DRC10: variants seen among roughly 807,000 people sequenced by gnomAD.
The protein encoded by DRC10 is IQ domain-containing protein D.
At chr12:113,211,375 G>T in the DRC10 span, among the ~76,000 whole-genome samples, 965 of 152,230 alleles carry the variant, frequency 6.3e-3, 10 homozygotes, top group African/African-American at 0.022. Context: ...AGAATGGCAG[G>T]GAATCAAAGA....
the DRC10 span, among the ~76,000 whole-genome samples, chr12:113,216,311 C>A: frequency 1.3e-5 from 2 of 152,172 alleles, no homozygotes; most frequent in Admixed American, 6.5e-5. Context: ...AACTATATGA[C>A]ATTCTGGCAA....
chr12:113,204,873 A>C, the DRC10 span, among the ~76,000 whole-genome samples: 2 of 152,210 alleles, frequency 1.3e-5, no homozygotes, highest in East Asian at 1.9e-4. Flanking sequence ...AGGCTGCAGT[A>C]AGCTGAGATC....
the DRC10 span, chr12:113,195,683 A>C: frequency 3.1e-6 from 5 of 1,613,404 alleles, no homozygotes; most frequent in African/African-American, 6.7e-5. Flanking sequence ...AGCGCACCAG[A>C]TAGCCCTTCC....
At chr12:113,218,296 G>T in the DRC10 span, among the ~76,000 whole-genome samples, 9 of 149,688 alleles carry the variant, frequency 6.0e-5, no homozygotes, top group Non-Finnish European at 8.8e-5. Flanking sequence ...GCCACCACGC[G>T]CAGCTAATTT....
the DRC10 span, among the ~76,000 whole-genome samples, chr12:113,197,190 CT>C: frequency 0.15 from 18,036 of 119,928 alleles, 1,229 homozygotes; most frequent in African/African-American, 0.22. Flanking sequence ...TAGCCAGTCG[CT>C]TTTTTTTTTT....
chr12:113,212,931 A>G, the DRC10 span, among the ~76,000 whole-genome samples: 3 of 152,050 alleles, frequency 2.0e-5, no homozygotes, highest in South Asian at 6.2e-4. Context: ...TATTCCCTTT[A>G]TTTGTCATTA....
the DRC10 span, among the ~76,000 whole-genome samples, chr12:113,216,048 A>C: frequency 6.6e-6 from 1 of 152,234 alleles, no homozygotes; most frequent in Non-Finnish European, 1.5e-5. Flanking sequence ...TGTGCACACA[A>C]AAACCTGCAC....
At chr12:113,205,781 C>G in the DRC10 span, among the ~76,000 whole-genome samples, 1 of 148,588 alleles carries the variant, frequency 6.7e-6, no homozygotes, top group African/African-American at 2.5e-5. Context: ...CCCAGCTACT[C>G]GGGAGGCTGA....
the DRC10 span, among the ~76,000 whole-genome samples, chr12:113,219,840 G>A: frequency 2.6e-5 from 4 of 151,446 alleles, no homozygotes; most frequent in Admixed American, 1.3e-4. Context: ...CTGGAGTCTC[G>A]CTCTATCACC....
chr12:113,200,572 C>A, the DRC10 span: 3 of 1,531,580 alleles, frequency 2.0e-6, no homozygotes, highest in Non-Finnish European at 1.7e-6. Flanking sequence ...CGCTGCTTCC[C>A]GGGGCACCTT....
At chr12:113,213,176 TAAAA>T in the DRC10 span, among the ~76,000 whole-genome samples, 11 of 63,604 alleles carry the variant, frequency 1.7e-4, no homozygotes, top group African/African-American at 5.8e-4. Context: ...CAGAGGGTGC[TAAAA>T]AAAAAAAAAA....
chr12:113,199,054 C>A, the DRC10 span, among the ~76,000 whole-genome samples: 33 of 152,274 alleles, frequency 2.2e-4, no homozygotes, highest in Non-Finnish European at 3.7e-4. Flanking sequence ...TCTCATGCCT[C>A]AGCCTCCCAA....
the DRC10 span, among the ~76,000 whole-genome samples, chr12:113,204,227 C>T: frequency 6.6e-6 from 1 of 152,230 alleles, no homozygotes; most frequent in African/African-American, 2.4e-5. Flanking sequence ...AGAGCAAGAT[C>T]TTGTCTCTAA....
At chr12:113,205,695 C>G in the DRC10 span, among the ~76,000 whole-genome samples, 1 of 150,440 alleles carries the variant, frequency 6.6e-6, no homozygotes, top group East Asian at 2.0e-4. Flanking sequence ...CGAGACCATC[C>G]TGGCTAACAA....
the DRC10 span, among the ~76,000 whole-genome samples, chr12:113,205,761 C>A: frequency 6.6e-6 from 1 of 150,450 alleles, no homozygotes; most frequent in African/African-American, 2.5e-5. Flanking sequence ...CGGTGGCGGG[C>A]GCCTGTAGTC....
At chr12:113,214,264 T>G in the DRC10 span, among the ~76,000 whole-genome samples, 1 of 151,932 alleles carries the variant, frequency 6.6e-6, no homozygotes, top group South Asian at 2.1e-4. Context: ...ATTCCAGCAC[T>G]GTGGGAGGCC....
At chr12:113,207,945 G>T in the DRC10 span, 2 of 1,614,168 alleles carry the variant, frequency 1.2e-6, no homozygotes, top group South Asian at 1.1e-5. Context: ...CCTCTCTGTT[G>T]GATGCCACAT....
At chr12:113,203,097 C>A in the DRC10 span, 6 of 445,726 alleles carry the variant, frequency 1.3e-5, no homozygotes, top group Non-Finnish European at 2.2e-5. Context: ...GCGATCTCAG[C>A]TCCCTGCAAC....
chr12:113,195,895 G>C, the DRC10 span: 9 of 1,595,106 alleles, frequency 5.6e-6, no homozygotes, highest in Non-Finnish European at 6.8e-6. Flanking sequence ...TCCTCCTGGG[G>C]TGAGGGGTGG....
Sources: gnomAD v4.1 joint callset for allele counts (sites outside exome capture counted in the v4.1 genomes callset) on GRCh38, gnomAD v4.1.1 for gene constraint, MANE v1.5 for transcripts, NCBI Gene and HGNC (gene_info 2026-07-23, HGNC 2026-07-21) for gene names.